The following NPAS3 variants were observed in gnomAD, a reference collection of about 807,000 sequenced individuals.
NPAS3 encodes the protein neuronal PAS domain-containing protein 3.
In NPAS3, 14 loss-of-function variants were observed where a neutral mutation model predicts 73.1. The ratio of observed to expected loss-of-function variants is 0.19; its 90% CI spans 0.13 to 0.30. The LOEUF (loss-of-function observed/expected upper bound fraction) is 0.30, where lower values mean the gene tolerates loss of function less well. Among genes scored for constraint, NPAS3 ranks in the 10% least tolerant of loss-of-function variants. The probability of loss-of-function intolerance (pLI) is 1.00; values close to 1 mark genes in which losing one functional copy is unlikely to be tolerated. For synonymous variants in NPAS3, 620 were observed against 541.5 expected, an observed-to-expected ratio of 1.14 and a Z score of -2.01; for missense variants, 1,096 against 1,250.0, an observed-to-expected ratio of 0.88 and a Z score of 1.86.
At chr14:33,246,005 C>G (rs1009045905) in intron 3 of NPAS3, among the ~76,000 whole-genome samples, 1 of 151,860 alleles carries the variant, frequency 6.6e-6, no homozygotes, top group Non-Finnish European at 1.5e-5. Flanking sequence ...GCTTTTTCTC[C>G]CTTCAACAAC....
intron 2 of NPAS3, among the ~76,000 whole-genome samples, chr14:33,176,101 AT>A (rs1034225997): frequency 2.0e-5 from 3 of 152,250 alleles, no homozygotes; most frequent in Admixed American, 2.0e-4. Context: ...ATATATAAAC[AT>A]AGTTGTGATT....
intron 2 of NPAS3, among the ~76,000 whole-genome samples, chr14:33,166,195 C>T (rs2045139680): frequency 1.3e-5 from 2 of 152,164 alleles, no homozygotes; most frequent in African/African-American, 4.8e-5. Context: ...TTCTTGAAAT[C>T]CTTAATAATG....
intron 4 of NPAS3, among the ~76,000 whole-genome samples, chr14:33,382,538 C>T (rs116907964): frequency 0.032 from 4,878 of 151,988 alleles, 129 homozygotes; most frequent in Non-Finnish European, 0.048. Context: ...TTAGCTAGGG[C>T]GGGAAAAATA....
exon 12 of NPAS3, chr14:33,799,814 T>C: frequency 1.2e-6 from 2 of 1,613,054 alleles, no homozygotes; most frequent in South Asian, 1.1e-5. Flanking sequence ...CCGGAAGAAG[T>C]CGGGCAACGC....
intron 4 of NPAS3, among the ~76,000 whole-genome samples, chr14:33,521,357 A>C (rs1200065793): frequency 6.6e-6 from 1 of 152,104 alleles, no homozygotes; most frequent in African/African-American, 2.4e-5. Context: ...CTGTTTCTAC[A>C]AAGTCCTGTA....
intron 2 of NPAS3, among the ~76,000 whole-genome samples, chr14:33,212,556 T>C (rs2139661915): frequency 6.6e-6 from 1 of 152,288 alleles, no homozygotes; most frequent in Non-Finnish European, 1.5e-5. Flanking sequence ...TCCAAAGACA[T>C]TAGTGTCTGC....
At chr14:33,539,078 C>A (rs1480607410) in intron 4 of NPAS3, among the ~76,000 whole-genome samples, 1 of 151,888 alleles carries the variant, frequency 6.6e-6, no homozygotes, top group Non-Finnish European at 1.5e-5. Flanking sequence ...CAATGAAGCT[C>A]GTTGACTCTC....
chr14:33,021,220 T>G (rs113436921), intron 1 of NPAS3, among the ~76,000 whole-genome samples: 4,216 of 152,310 alleles, frequency 0.028, 63 homozygotes, highest in African/African-American at 0.04. Flanking sequence ...ATAATCATCA[T>G]CAGCAGCAGC....
intron 4 of NPAS3, among the ~76,000 whole-genome samples, chr14:33,473,640 G>A (rs2050888975): frequency 6.6e-6 from 1 of 152,114 alleles, no homozygotes; most frequent in South Asian, 2.1e-4. Flanking sequence ...GTTTTAGAAG[G>A]CAATGTGTTC....
At chr14:33,556,245 G>A (rs1371103925) in intron 4 of NPAS3, among the ~76,000 whole-genome samples, 1 of 152,162 alleles carries the variant, frequency 6.6e-6, no homozygotes, top group East Asian at 1.9e-4. Context: ...CCCCTTTAGT[G>A]AGGAAGTAAA....
intron 3 of NPAS3, among the ~76,000 whole-genome samples, chr14:33,344,744 A>G (rs2044648996): frequency 6.6e-6 from 1 of 152,220 alleles, no homozygotes; most frequent in Non-Finnish European, 1.5e-5. Context: ...AAAAAATTTA[A>G]TAGCGTACAG....
At chr14:33,485,905 A>G (rs1007914819) in intron 4 of NPAS3, among the ~76,000 whole-genome samples, 1 of 151,918 alleles carries the variant, frequency 6.6e-6, no homozygotes, top group African/African-American at 2.4e-5. Context: ...CAGGTTGCGT[A>G]GTGAACAAGG....
At chr14:33,128,429 T>A (rs916584947) in intron 2 of NPAS3, among the ~76,000 whole-genome samples, 2 of 152,136 alleles carry the variant, frequency 1.3e-5, no homozygotes, top group African/African-American at 4.8e-5. Context: ...TAAATATTGT[T>A]TGAAATAGGG....
chr14:33,447,725 G>T lies in NPAS3; in HGVS notation c.468+80457G>T, dbSNP rs181755832. On this transcript the variant is annotated intron_variant, in intron 4 of 11. Transcript: ENST00000356141. ...ATCCAGGGGTTTCAAGCCAGCCTGG[G>T]CAACACAGTGAGATCTTGTCTCTAC... 3.5e-3 allele frequency among the ~76,000 whole-genome samples: 540 copies of T among 152,204 alleles called. 2 individuals are homozygous for T. Among genetic ancestry groups the T allele is most frequent in the African/African-American group, 0.011 (463 of 41,528 alleles).
chr14:33,712,710 T>C (rs1439649415), intron 6 of NPAS3, among the ~76,000 whole-genome samples: 1 of 152,178 alleles, frequency 6.6e-6, no homozygotes, highest in African/African-American at 2.4e-5. Flanking sequence ...GACTTGTTAA[T>C]GGGCTACACC....
Position 33,567,514 on chromosome 14 carries a change from AC to A in NPAS3, c.558+7305del, listed in dbSNP as rs1445520964. Among the ~76,000 whole-genome samples, 3 of 152,248 alleles carry A rather than the reference AC, an allele frequency of 2.0e-5. No homozygotes were observed. The East Asian group carries it at 5.8e-4, about 29-fold the overall frequency. The stretch of plus-strand genomic sequence containing the variant: ...TTTGTGCAATGGAGCACAGAGCAGC[AC>A]AGTCAGATGAATGAGGATATGCTAT... On this transcript the variant is annotated intron_variant, in intron 5 of 11. Coordinates refer to ENST00000356141, the Ensembl canonical transcript of NPAS3.
In NPAS3 at chr14:33,115,725, A is replaced by G. The variant is rs1290078175; in HGVS notation, c.140+59731A>G. 6.6e-5 allele frequency among the ~76,000 whole-genome samples: 10 copies of G among 152,158 alleles called. No homozygotes were observed. In the South Asian group the frequency reaches 1.0e-3, roughly 16 times the overall value. Reference sequence around the variant, plus strand: ...GGTCATCACCCAATCTTGGTCATATATGCAATCCATCAGGGATTTGTTTTG... The same window carrying G: ...GGTCATCACCCAATCTTGGTCATATGTGCAATCCATCAGGGATTTGTTTTG... On this transcript the variant is annotated intron_variant, in intron 2 of 11. Coordinates refer to ENST00000356141, the Ensembl canonical transcript of NPAS3.
intron 2 of NPAS3, among the ~76,000 whole-genome samples, chr14:33,196,446 CTCTT>C (rs1208862233): frequency 6.6e-6 from 1 of 152,244 alleles, no homozygotes; most frequent in Non-Finnish European, 1.5e-5. Context: ...GGCCATCTCT[CTCTT>C]TTGAGTAGTA....
At chr14:32,996,430 G>A (rs1160077749) in intron 1 of NPAS3, among the ~76,000 whole-genome samples, 3 of 152,204 alleles carry the variant, frequency 2.0e-5, no homozygotes, top group Non-Finnish European at 4.4e-5. Flanking sequence ...TGGGGAAAAT[G>A]TATCTAGGGC....
Sources: allele counts gnomAD v4.1 joint callset (sites outside exome capture counted in the v4.1 genomes callset), GRCh38; gene constraint gnomAD v4.1.1; transcripts MANE v1.5; gene names NCBI Gene and HGNC (gene_info 2026-07-23, HGNC 2026-07-21).